Variants in LHFPL3 observed in about 807,000 individuals in gnomAD.
The protein encoded by LHFPL3 is LHFPL tetraspan subfamily member 3 protein.
A neutral mutation model predicts 19.3 loss-of-function variants in LHFPL3; 5 were observed. The observed-to-expected ratio is 0.26, with a 90% CI of 0.14 to 0.54. LHFPL3 has a LOEUF of 0.54. LHFPL3 is among the 20% of genes least tolerant of loss of function. The pLI, the probability that LHFPL3 is intolerant of heterozygous loss-of-function variation, is 0.94. For missense variants in LHFPL3, 249 were observed against 307.4 expected, an observed-to-expected ratio of 0.81 and a Z score of 1.42; for synonymous variants, 133 against 126.2, an observed-to-expected ratio of 1.05 and a Z score of -0.36.
chr7:104,589,611 A>G (rs1438718289), intron 1 of LHFPL3, among the ~76,000 whole-genome samples: 3 of 152,002 alleles, frequency 2.0e-5, no homozygotes, highest in Non-Finnish European at 2.9e-5. Flanking sequence ...TGATATCAGG[A>G]TGATGTTGGC....
At chr7:104,410,083 C>T (rs17137407) in intron 1 of LHFPL3, among the ~76,000 whole-genome samples, 9,662 of 152,120 alleles carry the variant, frequency 0.064, 440 homozygotes, top group East Asian at 0.099. Flanking sequence ...TAACCAGCTG[C>T]GTGACCTGAA....
At chr7:104,823,953 C>G (rs1790727981) in intron 2 of LHFPL3, among the ~76,000 whole-genome samples, 1 of 150,832 alleles carries the variant, frequency 6.6e-6, no homozygotes, top group African/African-American at 2.4e-5. Flanking sequence ...CGAGACCAAC[C>G]TGGCCAGCAT....
At chr7:104,767,215 A>G (rs1341769480) in intron 2 of LHFPL3, among the ~76,000 whole-genome samples, 3 of 152,240 alleles carry the variant, frequency 2.0e-5, no homozygotes, top group Non-Finnish European at 4.4e-5. Context: ...AGCAGTGGTC[A>G]TATAGAAACT....
chr7:104,505,547 T>C (rs1793680544), intron 1 of LHFPL3, among the ~76,000 whole-genome samples: 1 of 152,052 alleles, frequency 6.6e-6, no homozygotes, highest in South Asian at 2.1e-4. Flanking sequence ...ATGGAGAAAA[T>C]TGTCTGAGCA....
intron 1 of LHFPL3, among the ~76,000 whole-genome samples, chr7:104,452,232 A>G (rs748381565): frequency 4.5e-4 from 68 of 152,172 alleles, no homozygotes; most frequent in Non-Finnish European, 7.9e-4. Flanking sequence ...ATTTACTCAA[A>G]GTAAGGGATG....
chr7:104,405,956 T>C lies in LHFPL3; in HGVS notation c.445+76732T>C, dbSNP rs17137346. Among the ~76,000 whole-genome samples the C allele has an allele frequency of 5.6e-3, 850 of 152,336 alleles. 2 individuals are homozygous for C. Among genetic ancestry groups the C allele is most frequent in the African/African-American group, 0.02 (814 of 41,566 alleles). ...GGAAGCTTAAAGAGGTTAGCAACTT[T>C]TCCTGAATTAAACAGGTAAATAAGT... On this transcript the variant is annotated intron_variant, in intron 1 of 2. Transcript: ENST00000424859.
rs114096786 is a variant in LHFPL3, at chr7:104,533,518, A to G, written c.446-203157A>G. Among the ~76,000 whole-genome samples the G allele has an allele frequency of 5.7e-3, 866 of 152,322 alleles. 8 individuals carry two copies. Among genetic ancestry groups the G allele is most frequent in the African/African-American group, 0.02 (844 of 41,572 alleles). On this transcript the variant is annotated intron_variant, in intron 1 of 2. Coordinates refer to ENST00000424859, the MANE Select transcript of LHFPL3 (RefSeq NM_199000.3). ...AATGTTCCATAGCACCTCAAACTCAACATGTCCAAAGCAGAATGCTTCAAC... is the reference window on the plus strand; with the variant it reads ...AATGTTCCATAGCACCTCAAACTCAGCATGTCCAAAGCAGAATGCTTCAAC...
chr7:104,823,863 G>T (rs953685472), intron 2 of LHFPL3, among the ~76,000 whole-genome samples: 3 of 151,824 alleles, frequency 2.0e-5, no homozygotes, highest in African/African-American at 7.3e-5. Context: ...TAGGAGCCTG[G>T]GGCCAGGCAT....
At position 104,652,213 on chromosome 7, in the gene LHFPL3, G is replaced by A. The variant is rs77461522; in HGVS notation, c.446-84462G>A. Among the ~76,000 whole-genome samples, 673 of 152,226 alleles carry A rather than the reference G, an allele frequency of 4.4e-3. 40 individuals carry two copies. In the East Asian group the frequency reaches 0.11, roughly 25 times the overall value. ...TCAAAAAGCTGACTTGACAACCTGG[G>A]GCAGTGGGCAGTGTTAATTGAAGCC... On this transcript the variant is annotated intron_variant, in intron 1 of 2. Transcript: ENST00000424859.
At chr7:104,809,457 G>A (rs1790425241) in intron 2 of LHFPL3, among the ~76,000 whole-genome samples, 1 of 152,124 alleles carries the variant, frequency 6.6e-6, no homozygotes, top group South Asian at 2.1e-4. Flanking sequence ...TGCCTTTGAG[G>A]CACTCAACCT....
At chr7:104,544,199 TAAC>T (rs1421756949) in intron 1 of LHFPL3, among the ~76,000 whole-genome samples, 3 of 152,140 alleles carry the variant, frequency 2.0e-5, no homozygotes, top group Non-Finnish European at 4.4e-5. Flanking sequence ...ACCTCACTAA[TAAC>T]TGGATTTTCA....
chr7:104,445,539 T>G (rs1364205685), intron 1 of LHFPL3, among the ~76,000 whole-genome samples: 1 of 152,202 alleles, frequency 6.6e-6, no homozygotes, highest in Non-Finnish European at 1.5e-5. Context: ...TCTATTAATG[T>G]TCTCACAGAC....
Position 104,418,274 on chromosome 7 carries a change from C to A in LHFPL3, c.445+89050C>A, listed in dbSNP as rs1052571230. On this transcript the variant is annotated intron_variant, in intron 1 of 2. Transcript: ENST00000424859. ...TATTTCCTGAGGGCAAGAGACTGCA[C>A]CAGGCACAATAGATGATTCAACAAT... 5.3e-5 allele frequency among the ~76,000 whole-genome samples: 8 copies of A among 152,124 alleles called. No homozygotes were observed. The South Asian group carries it at 1.7e-3, about 32-fold the overall frequency.
At chr7:104,667,321 C>T (rs566506139) in intron 1 of LHFPL3, among the ~76,000 whole-genome samples, 1 of 151,544 alleles carries the variant, frequency 6.6e-6, no homozygotes, top group South Asian at 2.1e-4. Context: ...AGCACATAAA[C>T]GTGTTTTATG....
intron 1 of LHFPL3, among the ~76,000 whole-genome samples, chr7:104,436,612 G>A (rs1300122522): frequency 6.6e-6 from 1 of 152,120 alleles, no homozygotes; most frequent in African/African-American, 2.4e-5. Context: ...TAAAATGCAT[G>A]CATTTAATGA....
At chr7:104,353,584 A>G (rs959380713) in intron 1 of LHFPL3, among the ~76,000 whole-genome samples, 4 of 152,336 alleles carry the variant, frequency 2.6e-5, no homozygotes, top group African/African-American at 9.6e-5. Context: ...GTAATTCTGA[A>G]TTATGGCAAC....
chr7:104,605,866 G>A (rs1176305303), intron 1 of LHFPL3, among the ~76,000 whole-genome samples: 1 of 45,144 alleles, frequency 2.2e-5, no homozygotes, highest in African/African-American at 4.1e-5. Context: ...TCAAAATGAT[G>A]GTCTGAAAAA....
chr7:104,406,448 TTAATA>T (rs150589734), intron 1 of LHFPL3, among the ~76,000 whole-genome samples: 4,862 of 152,286 alleles, frequency 0.032, 264 homozygotes, highest in African/African-American at 0.11. Context: ...TGCCAGGAAA[TTAATA>T]TATTATCATT....
chr7:104,764,004 T>C (rs1180189905), intron 2 of LHFPL3, among the ~76,000 whole-genome samples: 1 of 152,232 alleles, frequency 6.6e-6, no homozygotes, highest in African/African-American at 2.4e-5. Context: ...GCTCTTAATC[T>C]GTGTGTATAT....
Sources: gnomAD v4.1 joint callset for allele counts (sites outside exome capture counted in the v4.1 genomes callset) on GRCh38, gnomAD v4.1.1 for gene constraint, MANE v1.5 for transcripts, NCBI Gene and HGNC (gene_info 2026-07-23, HGNC 2026-07-21) for gene names.